Variants in ERC2 observed in about 807,000 individuals in gnomAD.
ERC2 encodes ERC protein 2.
Under a neutral mutation model 114.8 loss-of-function variants are expected in ERC2, and 42 were observed. The ratio of observed to expected loss-of-function variants is 0.37; its 90% confidence interval spans 0.29 to 0.47. ERC2 has a LOEUF of 0.47. Among genes scored for constraint, ERC2 ranks in the 20% least tolerant of loss-of-function variants. ERC2 has a pLI of 0.99. For synonymous variants in ERC2, 454 were observed against 425.5 expected, an observed-to-expected ratio of 1.07 and a Z score of -0.82; for missense variants, 939 against 1,150.7, an observed-to-expected ratio of 0.82 and a Z score of 2.66.
intron 14 of ERC2, among the ~76,000 whole-genome samples, chr3:55,883,125 A>G (rs923136118): frequency 6.6e-6 from 1 of 152,220 alleles, no homozygotes; most frequent in Non-Finnish European, 1.5e-5. Flanking sequence ...ATATTTATAC[A>G]TTTTTTAACT....
intron 13 of ERC2, among the ~76,000 whole-genome samples, chr3:55,895,720 AG>A (rs1400584184): frequency 6.6e-6 from 1 of 152,176 alleles, no homozygotes; most frequent in African/African-American, 2.4e-5. Flanking sequence ...AATGGGAGGA[AG>A]GGGAGCACAA....
At chr3:55,771,423 G>A (rs1470420695) in intron 14 of ERC2, among the ~76,000 whole-genome samples, 2 of 152,316 alleles carry the variant, frequency 1.3e-5, no homozygotes, top group East Asian at 3.9e-4. Context: ...CGTCCACCCT[G>A]CTACCATTGC....
chr3:55,519,933 T>C (rs1427526460), intron 17 of ERC2, among the ~76,000 whole-genome samples: 1 of 151,760 alleles, frequency 6.6e-6, no homozygotes, highest in Non-Finnish European at 1.5e-5. Flanking sequence ...CAGGTGCCTG[T>C]AGTCCCAGCT....
intron 12 of ERC2, among the ~76,000 whole-genome samples, chr3:55,969,018 G>C (rs558736790): frequency 1.3e-5 from 2 of 152,058 alleles, no homozygotes; most frequent in South Asian, 2.1e-4. Flanking sequence ...CAAGATAACT[G>C]TTTCCCCAGT....
chr3:56,430,096 A>G (rs1292589685), intron 2 of ERC2, among the ~76,000 whole-genome samples: 1 of 152,200 alleles, frequency 6.6e-6, no homozygotes, highest in African/African-American at 2.4e-5. Context: ...CCTGCTTCCA[A>G]TTTCTCTTCA....
chr3:55,884,170 C>T (rs2063254810), intron 14 of ERC2, among the ~76,000 whole-genome samples: 1 of 152,134 alleles, frequency 6.6e-6, no homozygotes, highest in African/African-American at 2.4e-5. Context: ...AATTAAACAG[C>T]AGAATGCTTA....
intron 13 of ERC2, among the ~76,000 whole-genome samples, chr3:55,929,163 C>T (rs888150348): frequency 1.3e-5 from 2 of 152,260 alleles, no homozygotes; most frequent in Admixed American, 1.3e-4. Flanking sequence ...TGCTGGGTCC[C>T]CTCCCCTAAG....
rs143748705 is a variant in ERC2, at chr3:56,005,160, T to C, written c.2061+2021A>G. ...TACCCTATTTAAACTCACTGCACTA[T>C]GCATTTAGGAGATAGTATAAGCAAA... On this transcript the variant is annotated intron_variant, in intron 10 of 17. Coordinates refer to ENST00000288221, the MANE Select transcript of ERC2 (RefSeq NM_015576.3). Among the ~76,000 whole-genome samples the C allele has an allele frequency of 5.0e-3, 754 of 152,228 alleles. 8 individuals carry two copies. Among genetic ancestry groups the C allele is most frequent in the African/African-American group, 0.017 (719 of 41,568 alleles).
intron 17 of ERC2, among the ~76,000 whole-genome samples, chr3:55,530,653 T>C (rs1215435827): frequency 6.6e-6 from 1 of 152,218 alleles, no homozygotes; most frequent in Non-Finnish European, 1.5e-5. Context: ...CCAAGATTAT[T>C]GGCATCAAAA....
At chr3:55,715,802 T>C (rs1480890020) in intron 15 of ERC2, among the ~76,000 whole-genome samples, 3 of 152,234 alleles carry the variant, frequency 2.0e-5, no homozygotes, top group Non-Finnish European at 2.9e-5. Context: ...TGAAGCTTTA[T>C]AGGACATTTT....
intron 2 of ERC2, among the ~76,000 whole-genome samples, chr3:56,344,585 T>C (rs73090534): frequency 0.035 from 5,312 of 152,274 alleles, 203 homozygotes; most frequent in African/African-American, 0.086. Context: ...ACCCATATAC[T>C]ATGCATTTAC....
At chr3:56,249,424 C>G (rs1020616461) in intron 3 of ERC2, among the ~76,000 whole-genome samples, 2 of 151,926 alleles carry the variant, frequency 1.3e-5, no homozygotes, top group African/African-American at 4.8e-5. Flanking sequence ...CTCCCGGGTT[C>G]ACGCCATTCT....
At chr3:55,858,336 T>C (rs952229643) in intron 14 of ERC2, among the ~76,000 whole-genome samples, 12 of 152,224 alleles carry the variant, frequency 7.9e-5, no homozygotes, top group Admixed American at 7.9e-4. Context: ...AGAAGGAATT[T>C]AAATTTACAA....
chr3:56,398,465 A>T (rs1190540570), intron 2 of ERC2, among the ~76,000 whole-genome samples: 1 of 152,196 alleles, frequency 6.6e-6, no homozygotes, highest in Admixed American at 6.5e-5. Context: ...AGTATGTCAC[A>T]GGTAACATTT....
At chr3:56,291,035 C>T (rs761201203) in intron 3 of ERC2, among the ~76,000 whole-genome samples, 111 of 152,232 alleles carry the variant, frequency 7.3e-4, no homozygotes, top group African/African-American at 2.3e-3. Context: ...GATCTTACAG[C>T]GAGATAAGTC....
chr3:56,253,403 A>C (rs1019231193), intron 3 of ERC2, among the ~76,000 whole-genome samples: 11 of 152,214 alleles, frequency 7.2e-5, no homozygotes, highest in African/African-American at 2.7e-4. Context: ...CTTTTTCTAA[A>C]AAAGGGAGGA....
intron 3 of ERC2, among the ~76,000 whole-genome samples, chr3:56,206,948 T>C (rs919454389): frequency 2.0e-5 from 3 of 152,224 alleles, no homozygotes; most frequent in African/African-American, 4.8e-5. Flanking sequence ...CAATATATAA[T>C]TTCTCCCATA....
At chr3:55,885,842 G>A (rs921139640) in intron 14 of ERC2, among the ~76,000 whole-genome samples, 1 of 152,132 alleles carries the variant, frequency 6.6e-6, no homozygotes, top group African/African-American at 2.4e-5. Context: ...AGTCATTACA[G>A]GAGGAAACTG....
At chr3:56,208,973 G>A (rs1575835683) in intron 3 of ERC2, among the ~76,000 whole-genome samples, 1 of 152,078 alleles carries the variant, frequency 6.6e-6, no homozygotes, top group African/African-American at 2.4e-5. Flanking sequence ...CTGAGCCCCA[G>A]AGTCCATTTC....
Sources: gnomAD v4.1 joint callset for allele counts (sites outside exome capture counted in the v4.1 genomes callset) on GRCh38, gnomAD v4.1.1 for gene constraint, MANE v1.5 for transcripts, NCBI Gene and HGNC (gene_info 2026-07-23, HGNC 2026-07-21) for gene names.